The following TBC1D22A variants were observed in gnomAD, a reference collection of about 807,000 sequenced individuals.
TBC1D22A encodes putative GTPase activator.
Under a neutral mutation model 60.2 loss-of-function variants are expected in TBC1D22A, and 38 were observed. The ratio of observed to expected loss-of-function variants is 0.63; its 90% CI spans 0.49 to 0.83. The LOEUF (loss-of-function observed/expected upper bound fraction) is 0.83, where lower values mean the gene tolerates loss of function less well. Among genes scored for constraint, TBC1D22A ranks in the 40% least tolerant of loss-of-function variants. The pLI, the probability that TBC1D22A is intolerant of heterozygous loss-of-function variation, is 0.00. For missense variants in TBC1D22A, 628 were observed against 701.0 expected, an observed-to-expected ratio of 0.90 and a Z score of 1.18; for synonymous variants, 302 against 281.7, an observed-to-expected ratio of 1.07 and a Z score of -0.72.
chr22:47,148,634 TCCCTCCCCTGGGTTCC>T (rs2067377654), intron 12 of TBC1D22A, among the ~76,000 whole-genome samples: 1 of 147,304 alleles, frequency 6.8e-6, no homozygotes, highest in African/African-American at 2.6e-5. Context: ...CTGGGGTCCC[TCCCTCCCCTGGGTTCC>T]TCTCCTGGGG....
At chr22:46,917,185 A>G (rs2070425708) in intron 8 of TBC1D22A, among the ~76,000 whole-genome samples, 1 of 152,178 alleles carries the variant, frequency 6.6e-6, no homozygotes, top group Admixed American at 6.6e-5. Context: ...GAGAGGAAAC[A>G]GCAAGGCACG....
At chr22:47,101,701 G>GC (rs1346499749) in intron 11 of TBC1D22A, among the ~76,000 whole-genome samples, 1 of 152,216 alleles carries the variant, frequency 6.6e-6, no homozygotes, top group Non-Finnish European at 1.5e-5. Context: ...CAGCACTGGA[G>GC]GCCAATGTGA....
Position 46,962,590 on chromosome 22 carries a change from T to C in TBC1D22A, c.1016-11700T>C, listed in dbSNP as rs570874325. ...GCATTCTTTGTAACAGTAAGATGTT[T>C]GAAACGATGCCAGCGTCCCACAGTA... On this transcript the variant is annotated intron_variant, in intron 8 of 12. Coordinates refer to ENST00000337137, the MANE Select transcript of TBC1D22A (RefSeq NM_014346.5). Among the ~76,000 whole-genome samples the C allele has an allele frequency of 9.8e-5, 15 of 152,360 alleles. No individual in the cohort carries two copies. In the South Asian group the frequency reaches 2.7e-3, roughly 27 times the overall value.
At chr22:46,890,695 G>A (rs988269739) in intron 5 of TBC1D22A, among the ~76,000 whole-genome samples, 5 of 152,176 alleles carry the variant, frequency 3.3e-5, no homozygotes, top group Non-Finnish European at 5.9e-5. Flanking sequence ...GTGCTGCCTG[G>A]CCCTTTCTGA....
Position 46,792,530 on chromosome 22 carries a change from G to C in TBC1D22A, c.73G>C (p.Val25Leu), listed in dbSNP as rs759936733. ...NSKLPGSIQH[V>L]YGAQHPPFDP... Reference sequence around the variant, plus strand: ...TTTCTTTTCCATCAGCATCCAGCACGTGTATGGTGCCCAGCACCCCCCCTT... The same window carrying C: ...TTTCTTTTCCATCAGCATCCAGCACCTGTATGGTGCCCAGCACCCCCCCTT... Residue 25 changes from valine (V) to leucine (L), a missense_variant, in exon 2 of 13, where the codon GTG becomes CTG. Val to Leu is a conservative substitution (Grantham distance 32). Transcript: ENST00000337137. 6.2e-7 allele frequency: 1 copy of C among 1,614,100 alleles called. No individual in the cohort carries two copies. Among genetic ancestry groups the C allele is most frequent in the Non-Finnish European group, 8.5e-7 (1 of 1,180,048 alleles).
intron 1 of TBC1D22A, chr22:46,763,395 T>G (rs930743377): frequency 1.1e-4 from 1 of 9,168 alleles, no homozygotes; most frequent in Non-Finnish European, 2.2e-4. Flanking sequence ...TAGCAGGAAG[T>G]TTTTTTTTTT....
intron 4 of TBC1D22A, among the ~76,000 whole-genome samples, chr22:46,829,676 A>G (rs2086223455): frequency 1.3e-5 from 2 of 152,212 alleles, no homozygotes; most frequent in Admixed American, 1.3e-4. Flanking sequence ...AGGGAATGCT[A>G]ATGCAGCTAT....
intron 8 of TBC1D22A, among the ~76,000 whole-genome samples, chr22:46,930,150 G>A (rs1037793542): frequency 5.3e-5 from 8 of 152,196 alleles, no homozygotes; most frequent in East Asian, 3.9e-4. Flanking sequence ...CTTGCTGTCC[G>A]TTTTCTTGAT....
chr22:46,766,008 T>TA (rs1569348880), intron 1 of TBC1D22A, among the ~76,000 whole-genome samples: 1 of 120,880 alleles, frequency 8.3e-6, no homozygotes, highest in African/African-American at 3.2e-5. Context: ...TGTGTGTGTA[T>TA]TTTTTTTGAG....
rs542144358 is a variant in TBC1D22A, at chr22:46,986,062, C to T, written c.1126-11572C>T. On this transcript the variant is annotated intron_variant, in intron 9 of 12. Transcript: ENST00000337137. ...TAGTTTTTTGGTTTTAGGTCTACAA[C>T]CTAGCTTGACTTAATTTCTGTATAT... Among the ~76,000 whole-genome samples the T allele has an allele frequency of 2.0e-5, 3 of 152,282 alleles. No homozygotes were observed. The South Asian group carries it at 6.2e-4, about 32-fold the overall frequency.
chr22:46,809,941 A>G (rs187930829), intron 4 of TBC1D22A, among the ~76,000 whole-genome samples: 2 of 152,356 alleles, frequency 1.3e-5, no homozygotes, highest in South Asian at 2.1e-4. Flanking sequence ...CTTCATAACC[A>G]TCATTTTTAA....
intron 8 of TBC1D22A, among the ~76,000 whole-genome samples, chr22:46,957,870 G>A (rs1025845731): frequency 2.0e-5 from 3 of 152,218 alleles, no homozygotes; most frequent in African/African-American, 7.2e-5. Flanking sequence ...CATGGAACAC[G>A]TTTCTAACAA....
At chr22:46,864,426 T>C (rs1315267257) in intron 4 of TBC1D22A, among the ~76,000 whole-genome samples, 1 of 152,152 alleles carries the variant, frequency 6.6e-6, no homozygotes, top group Non-Finnish European at 1.5e-5. Flanking sequence ...GGGAAACCAG[T>C]TTCCCTCCTG....
intron 12 of TBC1D22A, among the ~76,000 whole-genome samples, chr22:47,127,870 C>T (rs1369694914): frequency 6.6e-6 from 1 of 151,194 alleles, no homozygotes; most frequent in Non-Finnish European, 1.5e-5. Flanking sequence ...GCCTTCTCAC[C>T]TGAGCCATCC....
rs1307067321 is a variant in TBC1D22A, at chr22:46,927,710, A to G, written c.1015+15522A>G. Among the ~76,000 whole-genome samples the G allele has an allele frequency of 2.6e-5, 4 of 152,246 alleles. No homozygotes were observed. In the East Asian group the frequency reaches 7.7e-4, roughly 29 times the overall value. On this transcript the variant is annotated intron_variant, in intron 8 of 12. Coordinates refer to ENST00000337137, the MANE Select transcript of TBC1D22A (RefSeq NM_014346.5). ...TCCCCAAGGAATCCACTAGAAAACTATGAAAGCTTATAAACCAATTCAGGT... is the reference window on the plus strand; with the variant it reads ...TCCCCAAGGAATCCACTAGAAAACTGTGAAAGCTTATAAACCAATTCAGGT...
intron 4 of TBC1D22A, among the ~76,000 whole-genome samples, chr22:46,829,121 T>C (rs17834896): frequency 0.073 from 11,066 of 152,256 alleles, 570 homozygotes; most frequent in Non-Finnish European, 0.11. Flanking sequence ...ATTCTCCAAG[T>C]GTCGGATCAA....
chr22:47,029,659 A>G (rs2062395773), intron 10 of TBC1D22A, among the ~76,000 whole-genome samples: 1 of 152,186 alleles, frequency 6.6e-6, no homozygotes, highest in African/African-American at 2.4e-5. Context: ...TGGGGCGGGG[A>G]TGGCAGGAGC....
chr22:47,064,720 T>A (rs1180348923), intron 11 of TBC1D22A, among the ~76,000 whole-genome samples: 1 of 152,218 alleles, frequency 6.6e-6, no homozygotes, highest in Non-Finnish European at 1.5e-5. Context: ...TGGGTATTCA[T>A]AAACGCTGAG....
intron 12 of TBC1D22A, chr22:47,116,324 C>G (rs1480723414): frequency 1.3e-5 from 2 of 152,216 alleles, no homozygotes; most frequent in East Asian, 1.9e-4. Context: ...AGTTGTTTTT[C>G]TAAGTAGAAA....
Sources: allele counts gnomAD v4.1 joint callset (sites outside exome capture counted in the v4.1 genomes callset), GRCh38; gene constraint gnomAD v4.1.1; transcripts MANE v1.5; gene names NCBI Gene and HGNC (gene_info 2026-07-23, HGNC 2026-07-21).